Variants in RCL1 observed in about 807,000 individuals in gnomAD.
The protein encoded by RCL1 is RNA 3'-terminal phosphate cyclase-like protein.
Under a neutral mutation model 42.4 loss-of-function variants are expected in RCL1, and 24 were observed. The ratio of observed to expected loss-of-function variants is 0.57; its 90% CI spans 0.41 to 0.80. RCL1 has a LOEUF of 0.80. Among genes scored for constraint, RCL1 ranks in the 30% least tolerant of loss-of-function variants. The pLI is 0.00. For synonymous variants in RCL1, 228 were observed against 177.3 expected, an observed-to-expected ratio of 1.29 and a Z score of -2.27; for missense variants, 578 against 467.9, an observed-to-expected ratio of 1.24 and a Z score of -2.17.
chr9:4,818,168 G>A lies in RCL1; in HGVS notation c.137-5380G>A, dbSNP rs186713987. Among the ~76,000 whole-genome samples, 391 of 151,948 alleles carry A rather than the reference G, an allele frequency of 2.6e-3. 1 individual carries two copies. Among genetic ancestry groups the A allele is most frequent in the African/African-American group, 8.9e-3 (369 of 41,446 alleles). On this transcript the variant is annotated intron_variant, in intron 1 of 8. Coordinates refer to ENST00000381750, the MANE Select transcript of RCL1 (RefSeq NM_005772.5). The stretch of plus-strand genomic sequence containing the variant: ...ACTCCTGACCTCAGGTGATCCACCC[G>A]CCTCGGCCTCCCATAGTGCTGGGAT...
intron 1 of RCL1, among the ~76,000 whole-genome samples, chr9:4,808,038 G>C (rs1414732749): frequency 4.6e-5 from 7 of 151,914 alleles, no homozygotes; most frequent in Admixed American, 4.6e-4. Flanking sequence ...TTGTTGGGTG[G>C]AGTGCTCTAT....
Position 4,792,947 on chromosome 9 carries a change from C to G in RCL1, c.-145C>G, listed in dbSNP as rs1165376905. The G allele has an allele frequency of 4.9e-6, 4 of 820,768 alleles. No individual in the cohort carries two copies. The highest frequency in any genetic ancestry group is 3.6e-5 in the African/African-American group (2 of 55,598). 50.8% of individuals were successfully genotyped at this position (820,768 alleles called of 1,614,324 possible). ...AGTCTCTCCGTCTTCCTGTTCCAAA[C>G]CACGTGGACGCGTCTGGGCTGCTGG... On this transcript the variant is annotated 5_prime_UTR_variant, in exon 1 of 9. Transcript: ENST00000381750.
At chr9:4,793,948 A>G (rs190353768) in intron 1 of RCL1, among the ~76,000 whole-genome samples, 53 of 152,328 alleles carry the variant, frequency 3.5e-4, no homozygotes, top group Admixed American at 1.7e-3. Flanking sequence ...TGGTAGGTTA[A>G]AAAGAAATAG....
At chr9:4,798,327 G>A (rs967981226) in intron 1 of RCL1, among the ~76,000 whole-genome samples, 2 of 152,216 alleles carry the variant, frequency 1.3e-5, no homozygotes, top group African/African-American at 4.8e-5. Context: ...ATTGTTTAAA[G>A]TTGGAATAGC....
In RCL1 at chr9:4,851,540, A is replaced by G. The variant is rs116746034; in HGVS notation, c.971+1990A>G. On this transcript the variant is annotated intron_variant, in intron 8 of 8. Transcript: ENST00000381750. The stretch of plus-strand genomic sequence containing the variant: ...AGGCAAAGTTAACATTGTATTTGTG[A>G]GTACAGTTGAGGATAAAAAAGGGAT... Among the ~76,000 whole-genome samples, 285 of 152,356 alleles carry G rather than the reference A, an allele frequency of 1.9e-3. 1 individual carries two copies. Among genetic ancestry groups the G allele is most frequent in the Middle Eastern group, 6.8e-3 (2 of 294 alleles).
intron 5 of RCL1, 34 bp from the exon 6 acceptor site, chr9:4,841,197 TC>T (rs750432567): frequency 4.4e-5 from 71 of 1,613,326 alleles, no homozygotes; most frequent in Non-Finnish European, 2.9e-5. Context: ...GTCCTGGAAT[TC>T]AAGCAGAATG....
At chr9:4,812,119 G>A (rs1231341232) in intron 1 of RCL1, among the ~76,000 whole-genome samples, 2 of 152,110 alleles carry the variant, frequency 1.3e-5, no homozygotes, top group African/African-American at 4.8e-5. Context: ...TGGATAGTTT[G>A]TATTTTTCTT....
chr9:4,839,701 C>G (rs1316102457), intron 5 of RCL1: 1 of 984,968 alleles, frequency 1.0e-6, no homozygotes, highest in African/African-American at 1.7e-5. Flanking sequence ...CAGGTTTGTC[C>G]TTTGAGTCAA....
At chr9:4,833,826 T>G (rs1472269288) in intron 4 of RCL1, among the ~76,000 whole-genome samples, 1 of 152,214 alleles carries the variant, frequency 6.6e-6, no homozygotes, top group East Asian at 1.9e-4. Flanking sequence ...GGGTTTCTGA[T>G]TATTAAGAAA....
chr9:4,804,106 C>G (rs375106034), intron 1 of RCL1: 1 of 152,444 alleles, frequency 6.6e-6, no homozygotes, highest in Non-Finnish European at 1.5e-5. Flanking sequence ...CTCTTGGTAA[C>G]GGAGCAGCGA....
rs756150959 is a variant in RCL1 at position 4,834,275 on chromosome 9, C to G, written c.584+10C>G. On this transcript the variant is annotated intron_variant, in intron 5 of 8. Coordinates refer to ENST00000381750, the MANE Select transcript of RCL1 (RefSeq NM_005772.5). ...GTATTAGAGGAATGGCGTATCCTTT[C>G]CATTTATTTGGATTTCTTTTTTTTT... 5 of 1,601,364 alleles carry G rather than the reference C, an allele frequency of 3.1e-6. No homozygotes were observed. In the East Asian group the frequency reaches 1.1e-4, roughly 36 times the overall value.
chr9:4,808,942 C>G (rs1194363767), intron 1 of RCL1, among the ~76,000 whole-genome samples: 1 of 152,174 alleles, frequency 6.6e-6, no homozygotes, highest in Non-Finnish European at 1.5e-5. Context: ...GTAATCTGTG[C>G]AGGTTACATC....
chr9:4,850,158 G>A (rs909813779), intron 8 of RCL1: 9 of 383,886 alleles, frequency 2.3e-5, no homozygotes, highest in African/African-American at 1.2e-4. Flanking sequence ...AGTAAATGAG[G>A]TTGCGGAAAA....
intron 1 of RCL1, among the ~76,000 whole-genome samples, chr9:4,813,307 C>T (rs1816246347): frequency 6.6e-6 from 1 of 152,110 alleles, no homozygotes; most frequent in Non-Finnish European, 1.5e-5. Context: ...GGCTAATATC[C>T]AGAATCTACA....
intron 5 of RCL1, among the ~76,000 whole-genome samples, chr9:4,838,821 C>T (rs1817221769): frequency 6.6e-6 from 1 of 152,202 alleles, no homozygotes; most frequent in African/African-American, 2.4e-5. Flanking sequence ...AGAGAGTTCT[C>T]TGATTCTTGA....
At chr9:4,854,029 T>C in intron 8 of RCL1, among the ~76,000 whole-genome samples, 1 of 152,198 alleles carries the variant, frequency 6.6e-6, no homozygotes, top group East Asian at 1.9e-4. Context: ...GCTTGCACAG[T>C]ACCACTATGT....
chr9:4,841,439 A>G, intron 6 of RCL1, 82 bp downstream of exon 6: 1 of 1,081,152 alleles, frequency 9.2e-7, no homozygotes, highest in South Asian at 1.4e-5. Context: ...GCCAGCTCTG[A>G]GGTTGCGCAG....
intron 1 of RCL1, chr9:4,804,587 A>G (rs968397822): frequency 4.6e-5 from 7 of 152,842 alleles, no homozygotes; most frequent in Non-Finnish European, 7.3e-5. Flanking sequence ...CTCCAGGTTG[A>G]AGGGAGCTGT....
At chr9:4,796,808 G>A (rs1842921115) in intron 1 of RCL1, among the ~76,000 whole-genome samples, 1 of 151,816 alleles carries the variant, frequency 6.6e-6, no homozygotes, top group African/African-American at 2.4e-5. Context: ...CATCACTTTG[G>A]TATTGTGAAT....
Sources: gnomAD v4.1 joint callset for allele counts (sites outside exome capture counted in the v4.1 genomes callset) on GRCh38, gnomAD v4.1.1 for gene constraint, MANE v1.5 for transcripts, NCBI Gene and HGNC (gene_info 2026-07-23, HGNC 2026-07-21) for gene names.